P2RY14: variants seen among roughly 807,000 people sequenced by gnomAD.
P2RY14 encodes P2Y purinoceptor 14.
Under a neutral mutation model 0.9 loss-of-function variants are expected in P2RY14, and 2 were observed. The observed-to-expected ratio is 2.16, with a 90% CI of 0.88 to 6.79. The LOEUF (loss-of-function observed/expected upper bound fraction) is 6.79. Among genes scored for constraint, P2RY14 ranks in the 30% most tolerant of loss-of-function variants. The pLI, the probability that P2RY14 is intolerant of heterozygous loss-of-function variation, is 0.05. For synonymous variants in P2RY14, 158 were observed against 147.2 expected, an observed-to-expected ratio of 1.07 and a Z score of -0.53; for missense variants, 378 against 400.1, an observed-to-expected ratio of 0.94 and a Z score of 0.47.
chr3:151,228,714 A>G (rs573289219), intron 1 of P2RY14, among the ~76,000 whole-genome samples: 180 of 152,256 alleles, frequency 1.2e-3, no homozygotes, highest in Non-Finnish European at 1.4e-3. Flanking sequence ...TCCCTACACA[A>G]TGCTAATCTT....
intron 1 of P2RY14, among the ~76,000 whole-genome samples, chr3:151,256,849 GTT>G (rs527914597): frequency 3.6e-5 from 5 of 138,790 alleles, no homozygotes; most frequent in Non-Finnish European, 6.3e-5. Context: ...AATGACAGAG[GTT>G]TTTTTTTTGT....
At chr3:151,258,392 A>C (rs925441737) in intron 1 of P2RY14, among the ~76,000 whole-genome samples, 7 of 152,106 alleles carry the variant, frequency 4.6e-5, no homozygotes, top group African/African-American at 1.7e-4. Flanking sequence ...AGGTGAAGAA[A>C]ATTTTCTGTT....
At chr3:151,219,903 C>CCA (rs1553746294) in intron 1 of P2RY14, among the ~76,000 whole-genome samples, 2 of 136,722 alleles carry the variant, frequency 1.5e-5, no homozygotes, top group East Asian at 4.7e-4. Context: ...CCCCCCCCCC[C>CCA]CCTTGGATAT....
intron 1 of P2RY14, among the ~76,000 whole-genome samples, chr3:151,277,142 A>C (rs962140853): frequency 6.6e-6 from 1 of 150,822 alleles, no homozygotes. Flanking sequence ...GCCTCTCCTG[A>C]GGCCACTCAC....
intron 1 of P2RY14, among the ~76,000 whole-genome samples, chr3:151,265,610 G>A (rs538433196): frequency 6.6e-6 from 1 of 152,210 alleles, no homozygotes; most frequent in Non-Finnish European, 1.5e-5. Context: ...TATACAGCAG[G>A]CTCATCATAA....
chr3:151,251,465 A>G (rs1736841144), intron 1 of P2RY14, among the ~76,000 whole-genome samples: 1 of 151,948 alleles, frequency 6.6e-6, no homozygotes, highest in Admixed American at 6.6e-5. Flanking sequence ...CCCTGCCTTC[A>G]ATCTGCCTCC....
At chr3:151,256,951 C>G (rs748542562) in intron 1 of P2RY14, among the ~76,000 whole-genome samples, 92 of 150,604 alleles carry the variant, frequency 6.1e-4, no homozygotes, top group Non-Finnish European at 8.7e-4. Flanking sequence ...TATCACTTAT[C>G]AAGTCCACAT....
At chr3:151,227,961 C>A (rs1730876174) in intron 1 of P2RY14, among the ~76,000 whole-genome samples, 1 of 152,142 alleles carries the variant, frequency 6.6e-6, no homozygotes, top group African/African-American at 2.4e-5. Context: ...CCACACATTT[C>A]TAAATTTTCT....
At chr3:151,216,315 G>A (rs1275936769) in intron 2 of P2RY14, among the ~76,000 whole-genome samples, 1 of 152,194 alleles carries the variant, frequency 6.6e-6, no homozygotes, top group Non-Finnish European at 1.5e-5. Flanking sequence ...TGATGTCAGA[G>A]AATGCATCTT....
In P2RY14 at chr3:151,213,188, G is replaced by T; in HGVS notation, c.*112C>A. ...TGAATTTTATTGAACTAAATTGGAT[G>T]GCAGTGCTAGAGATGATATTTATGA... On this transcript the variant is annotated 3_prime_UTR_variant, in exon 3 of 3. Coordinates refer to ENST00000309170, the MANE Select transcript of P2RY14 (RefSeq NM_014879.4). 1.3e-6 allele frequency: 1 copy of T among 772,942 alleles called. No homozygotes were observed. Among genetic ancestry groups the T allele is most frequent in the Non-Finnish European group, 2.1e-6 (1 of 483,524 alleles). The allele number at this position is 772,942 out of a possible 1,614,324, so 47.9% of individuals were successfully genotyped here. A position where few individuals can be genotyped will look rare whatever the true frequency, so the allele number is the denominator to read the frequency against.
At chr3:151,235,180 C>G (rs933357470) in intron 1 of P2RY14, among the ~76,000 whole-genome samples, 2 of 152,156 alleles carry the variant, frequency 1.3e-5, no homozygotes, top group Non-Finnish European at 2.9e-5. Context: ...TTAACCTACC[C>G]ACTTGAGCTT....
intron 1 of P2RY14, among the ~76,000 whole-genome samples, chr3:151,243,592 G>C (rs1444673414): frequency 6.6e-6 from 1 of 151,568 alleles, no homozygotes; most frequent in Non-Finnish European, 1.5e-5. Context: ...CACCAGGCCT[G>C]CCCTAAAAGA....
At chr3:151,242,049 T>C (rs1305010149) in intron 1 of P2RY14, among the ~76,000 whole-genome samples, 1 of 152,156 alleles carries the variant, frequency 6.6e-6, no homozygotes, top group East Asian at 1.9e-4. Context: ...CCCACCCGAA[T>C]ACTGCGCTTT....
chr3:151,219,902 C>G (rs1313446670), intron 1 of P2RY14, among the ~76,000 whole-genome samples: 2 of 141,086 alleles, frequency 1.4e-5, no homozygotes, highest in Non-Finnish European at 3.1e-5. Flanking sequence ...CCCCCCCCCC[C>G]CCCTTGGATA....
At chr3:151,247,509 A>G (rs1005241818) in intron 1 of P2RY14, among the ~76,000 whole-genome samples, 8 of 151,064 alleles carry the variant, frequency 5.3e-5, no homozygotes, top group African/African-American at 1.9e-4. Flanking sequence ...AACTATCGCA[A>G]GAACAAAAAA....
chr3:151,247,281 A>G (rs1381791723), intron 1 of P2RY14, among the ~76,000 whole-genome samples: 1 of 152,130 alleles, frequency 6.6e-6, no homozygotes, highest in Non-Finnish European at 1.5e-5. Context: ...CCAAAGGATT[A>G]TAAATCATGC....
intron 1 of P2RY14, among the ~76,000 whole-genome samples, chr3:151,245,610 G>A (rs1212423583): frequency 9.4e-5 from 14 of 149,540 alleles, no homozygotes; most frequent in African/African-American, 3.0e-4. Context: ...GGTATTGATG[G>A]GATGTATTTC....
Position 151,242,791 on chromosome 3 carries a change from G to T in P2RY14, c.-132-23149C>A, listed in dbSNP as rs557962238. On this transcript the variant is annotated intron_variant, in intron 1 of 2. Transcript: ENST00000309170. ...GAATGACTTTGACGAGCTGAGAGAA[G>T]AAGGCTTCAGACGATCAAATTACTC... Among the ~76,000 whole-genome samples, 774 of 152,152 alleles carry T rather than the reference G, an allele frequency of 5.1e-3. 12 individuals are homozygous for T. Among genetic ancestry groups the T allele is most frequent in the African/African-American group, 0.017 (724 of 41,518 alleles).
intron 1 of P2RY14, among the ~76,000 whole-genome samples, chr3:151,240,330 A>C (rs1018391146): frequency 6.6e-6 from 1 of 152,090 alleles, no homozygotes. Context: ...TGGACCTCTG[A>C]CTCTCAGATT....
Sources: gnomAD v4.1 joint callset for allele counts (sites outside exome capture counted in the v4.1 genomes callset) on GRCh38, gnomAD v4.1.1 for gene constraint, MANE v1.5 for transcripts, NCBI Gene and HGNC (gene_info 2026-07-23, HGNC 2026-07-21) for gene names.